The following TRPC5 variants were observed in gnomAD, a reference collection of about 807,000 sequenced individuals.
The protein encoded by TRPC5 is short transient receptor potential channel 5.
Under a neutral mutation model 56.5 loss-of-function variants are expected in TRPC5, and 9 were observed. That is an observed-to-expected ratio of 0.16 (90% CI 0.10 to 0.28). The LOEUF (loss-of-function observed/expected upper bound fraction) is 0.28. Among genes scored for constraint, TRPC5 ranks in the 10% least tolerant of loss-of-function variants. TRPC5 has a pLI of 1.00. For synonymous variants in TRPC5, 282 were observed against 278.5 expected, an observed-to-expected ratio of 1.01 and a Z score of -0.13; for missense variants, 469 against 748.9, an observed-to-expected ratio of 0.63 and a Z score of 4.36.
chrX:112,050,182 A>AAAACAAAC (rs368003010), intron 1 of TRPC5, among the ~76,000 whole-genome samples: 4 of 110,246 alleles, frequency 3.6e-5, no homozygotes, highest in Non-Finnish European at 5.7e-5. Flanking sequence ...AACAACAACA[A>AAAACAAAC]AAACAAACAA....
chrX:111,790,607 CT>C (rs1276068812), intron 7 of TRPC5, among the ~76,000 whole-genome samples: 1 of 111,383 alleles, frequency 9.0e-6, no homozygotes, highest in Non-Finnish European at 1.9e-5. Flanking sequence ...ATTCCGCTAG[CT>C]TTTGGGAAGC....
intron 1 of TRPC5, among the ~76,000 whole-genome samples, chrX:111,995,813 G>C (rs184232213): frequency 0.097 from 10,705 of 110,283 alleles, 1,115 homozygotes; most frequent in African/African-American, 0.31. Context: ...TCTGTGGGAT[G>C]GGTGGTGATA....
At chrX:111,897,929 T>A (rs759351525) in intron 3 of TRPC5, among the ~76,000 whole-genome samples, 2 of 111,036 alleles carry the variant, frequency 1.8e-5, no homozygotes, top group East Asian at 5.6e-4. Flanking sequence ...AGGTGCATGA[T>A]TAGTTTTATA....
intron 1 of TRPC5, among the ~76,000 whole-genome samples, chrX:112,013,851 T>C (rs745410390): frequency 3.6e-5 from 4 of 111,760 alleles, no homozygotes; most frequent in Non-Finnish European, 7.5e-5. Context: ...TTGCATCTCT[T>C]AGTTTTCCAG....
At chrX:112,004,988 A>C (rs1403342792) in intron 1 of TRPC5, among the ~76,000 whole-genome samples, 2 of 111,890 alleles carry the variant, frequency 1.8e-5, no homozygotes, top group African/African-American at 6.5e-5. Flanking sequence ...TCCTGGCCAC[A>C]CATTAGAATC....
In TRPC5 at chrX:111,912,585, A is replaced by G; in HGVS notation, c.606T>C (p.Ala202=). ...AGGCAATGAGTGAGGGGCTTGCCAG[A>G]GCCTTATAGATGTTCAGTCGGGAGC... ...HSRSRLNIYK[A]LASPSLIALS... The change falls in exon 3 of 11, where the codon GCT becomes GCC. Residue 202 remains alanine (A), a synonymous_variant. Transcript: ENST00000262839. 3 of 1,211,637 alleles carry G rather than the reference A, an allele frequency of 2.5e-6. No homozygotes were observed. The highest frequency in any genetic ancestry group is 3.3e-6 in the Non-Finnish European group (3 of 895,532).
At chrX:111,953,019 A>G (rs1051377984) in intron 1 of TRPC5, among the ~76,000 whole-genome samples, 4 of 111,622 alleles carry the variant, frequency 3.6e-5, no homozygotes, top group Non-Finnish European at 5.6e-5. Context: ...CTCTGGTCCT[A>G]TGCTAATTTT....
At chrX:111,898,351 A>T (rs1336587990) in intron 3 of TRPC5, among the ~76,000 whole-genome samples, 2 of 106,474 alleles carry the variant, frequency 1.9e-5, no homozygotes, top group Non-Finnish European at 3.9e-5. Flanking sequence ...TTGAAAGTTC[A>T]TTGTCAGATA....
chrX:111,839,964 A>C (rs1163097819), intron 6 of TRPC5, among the ~76,000 whole-genome samples: 2 of 111,352 alleles, frequency 1.8e-5, no homozygotes, highest in Non-Finnish European at 3.8e-5. Flanking sequence ...AGGTCAGGAG[A>C]TCGAGACCAT....
At chrX:112,056,459 G>A (rs1305045663) in intron 1 of TRPC5, among the ~76,000 whole-genome samples, 2 of 112,332 alleles carry the variant, frequency 1.8e-5, no homozygotes, top group Non-Finnish European at 3.8e-5. Flanking sequence ...CAAGGAGTTC[G>A]ATTTAGGGAA....
intron 1 of TRPC5, among the ~76,000 whole-genome samples, chrX:111,990,034 C>T (rs542511215): frequency 8.9e-6 from 1 of 112,122 alleles, no homozygotes; most frequent in Non-Finnish European, 1.9e-5. Context: ...ATATTTTTAT[C>T]TAGTTTTCTA....
At chrX:112,081,038 C>A (rs1004151209) in intron 1 of TRPC5, among the ~76,000 whole-genome samples, 12 of 112,018 alleles carry the variant, frequency 1.1e-4, no homozygotes, top group African/African-American at 3.9e-4. Flanking sequence ...GGCTGGTTTC[C>A]CCGCTTCAGG....
intron 1 of TRPC5, among the ~76,000 whole-genome samples, chrX:112,006,203 G>A (rs1928840287): frequency 1.8e-5 from 2 of 111,090 alleles, no homozygotes. Flanking sequence ...TGGTTGAGAG[G>A]TACATGAAAG....
intron 7 of TRPC5, among the ~76,000 whole-genome samples, chrX:111,787,024 G>A (rs1046604436): frequency 9.1e-5 from 10 of 109,585 alleles, no homozygotes; most frequent in African/African-American, 2.0e-4. Flanking sequence ...TTCCAGGTCC[G>A]GGACCTGAAC....
chrX:111,843,292 G>T (rs1400671845), intron 6 of TRPC5, among the ~76,000 whole-genome samples: 1 of 112,085 alleles, frequency 8.9e-6, no homozygotes, highest in East Asian at 2.8e-4. Context: ...CAGTCTGGTG[G>T]GAGAGAGAGG....
At chrX:111,815,388 G>A (rs866138894) in intron 7 of TRPC5, among the ~76,000 whole-genome samples, 69 of 110,898 alleles carry the variant, frequency 6.2e-4, no homozygotes, top group African/African-American at 1.9e-3. Context: ...GCAGGTGGTC[G>A]CTGACCATTT....
At chrX:111,889,237 G>A (rs754321426) in intron 3 of TRPC5, among the ~76,000 whole-genome samples, 23 of 111,438 alleles carry the variant, frequency 2.1e-4, no homozygotes, top group African/African-American at 3.3e-4. Context: ...AAGATGAGAC[G>A]GAGAGCTGAT....
At chrX:111,859,690 T>G (rs1923337773) in intron 3 of TRPC5, among the ~76,000 whole-genome samples, 1 of 112,357 alleles carries the variant, frequency 8.9e-6, no homozygotes, top group African/African-American at 3.2e-5. Flanking sequence ...ACAGGGACTA[T>G]GTACACAAAA....
chrX:111,894,206 A>G, intron 3 of TRPC5, among the ~76,000 whole-genome samples: 1 of 111,665 alleles, frequency 9.0e-6, no homozygotes, highest in Admixed American at 9.6e-5. Context: ...TACCTAATAC[A>G]AAGAAGCTTA....
Sources: gnomAD v4.1 joint callset for allele counts (sites outside exome capture counted in the v4.1 genomes callset) on GRCh38, gnomAD v4.1.1 for gene constraint, MANE v1.5 for transcripts, NCBI Gene and HGNC (gene_info 2026-07-23, HGNC 2026-07-21) for gene names.